GRID2: variants seen among roughly 807,000 people sequenced by gnomAD.
GRID2 encodes glutamate receptor ionotropic, delta-2.
GRID2 carries 33 observed loss-of-function variants against 114.8 expected under a neutral mutation model. That is an observed-to-expected ratio of 0.29 (90% CI 0.22 to 0.38). The LOEUF (loss-of-function observed/expected upper bound fraction) is 0.38. Among genes scored for constraint, GRID2 ranks in the 10% least tolerant of loss-of-function variants. GRID2 has a pLI of 1.00. For synonymous variants in GRID2, 505 were observed against 449.9 expected, an observed-to-expected ratio of 1.12 and a Z score of -1.55; for missense variants, 1,184 against 1,257.7, an observed-to-expected ratio of 0.94 and a Z score of 0.89.
chr4:93,724,678 G>A (rs1307454126), intron 14 of GRID2, among the ~76,000 whole-genome samples: 1 of 152,134 alleles, frequency 6.6e-6, no homozygotes, highest in Non-Finnish European at 1.5e-5. Context: ...ACCGAGAGAG[G>A]AATGAGTGGG....
intron 4 of GRID2, among the ~76,000 whole-genome samples, chr4:93,171,156 C>T (rs139871165): frequency 3.3e-5 from 5 of 152,278 alleles, no homozygotes; most frequent in East Asian, 3.9e-4. Context: ...TTCTGTATTA[C>T]CTACTTTCAA....
At chr4:92,541,093 T>C (rs1402586197) in intron 1 of GRID2, among the ~76,000 whole-genome samples, 1 of 150,990 alleles carries the variant, frequency 6.6e-6, no homozygotes, top group Non-Finnish European at 1.5e-5. Flanking sequence ...AATTGAACAA[T>C]GAGAACACAT....
intron 13 of GRID2, among the ~76,000 whole-genome samples, chr4:93,588,072 A>C (rs1737722149): frequency 6.6e-6 from 1 of 152,150 alleles, no homozygotes; most frequent in South Asian, 2.1e-4. Context: ...GTTAACATGT[A>C]AGGTAGTATG....
chr4:92,653,318 C>G (rs1163817592), intron 2 of GRID2, among the ~76,000 whole-genome samples: 1 of 145,452 alleles, frequency 6.9e-6, no homozygotes, highest in Non-Finnish European at 1.5e-5. Context: ...CACACACACA[C>G]ACATGTGTCT....
intron 4 of GRID2, among the ~76,000 whole-genome samples, chr4:93,151,556 T>C (rs1736742806): frequency 6.6e-6 from 1 of 152,040 alleles, no homozygotes; most frequent in South Asian, 2.1e-4. Context: ...AAAAATAGAT[T>C]AAAGCAAAAT....
intron 1 of GRID2, among the ~76,000 whole-genome samples, chr4:92,429,730 G>C (rs532132739): frequency 6.6e-6 from 1 of 152,216 alleles, no homozygotes; most frequent in Admixed American, 6.5e-5. Flanking sequence ...AAGTGTACAA[G>C]CATTCTGTGT....
chr4:93,522,236 C>G (rs1730409351), intron 13 of GRID2, among the ~76,000 whole-genome samples: 1 of 152,028 alleles, frequency 6.6e-6, no homozygotes, highest in Non-Finnish European at 1.5e-5. Flanking sequence ...TATATTTAAA[C>G]CAAAGTCATC....
intron 13 of GRID2, among the ~76,000 whole-genome samples, chr4:93,580,753 A>T (rs1358950095): frequency 2.0e-4 from 29 of 146,200 alleles, no homozygotes; most frequent in African/African-American, 6.3e-4. Context: ...GGCAAAGAGC[A>T]TTTTTTTTTT....
At chr4:92,542,302 GA>G (rs1160908012) in intron 1 of GRID2, among the ~76,000 whole-genome samples, 1 of 149,784 alleles carries the variant, frequency 6.7e-6, no homozygotes, top group Non-Finnish European at 1.5e-5. Context: ...GGAGGAAAAA[GA>G]AAAAAAAAGA....
At chr4:92,576,981 G>A (rs932810031) in intron 1 of GRID2, among the ~76,000 whole-genome samples, 32 of 151,982 alleles carry the variant, frequency 2.1e-4, no homozygotes, top group Non-Finnish European at 4.0e-4. Flanking sequence ...TCAAATATAT[G>A]TCTGCAGTTC....
intron 1 of GRID2, among the ~76,000 whole-genome samples, chr4:92,437,089 A>G (rs939082209): frequency 6.6e-6 from 1 of 152,220 alleles, no homozygotes; most frequent in African/African-American, 2.4e-5. Flanking sequence ...TTATGTGTCT[A>G]TAATTGACTA....
chr4:93,497,383 C>T (rs188626828), intron 12 of GRID2, among the ~76,000 whole-genome samples: 1 of 151,672 alleles, frequency 6.6e-6, no homozygotes, highest in East Asian at 1.9e-4. Context: ...TGCAATGTAT[C>T]AATTTTTTCA....
intron 2 of GRID2, among the ~76,000 whole-genome samples, chr4:92,901,771 T>C (rs943140159): frequency 3.3e-5 from 5 of 152,074 alleles, no homozygotes; most frequent in Admixed American, 1.3e-4. Context: ...CAGTGTTTTG[T>C]TGAGGATATT....
At chr4:92,692,561 C>G (rs1196945751) in intron 2 of GRID2, among the ~76,000 whole-genome samples, 1 of 151,998 alleles carries the variant, frequency 6.6e-6, no homozygotes, top group Admixed American at 6.6e-5. Context: ...AAGCCTTAGT[C>G]AAAATATAGT....
intron 11 of GRID2, among the ~76,000 whole-genome samples, chr4:93,466,547 T>C (rs892115422): frequency 2.0e-5 from 3 of 152,188 alleles, no homozygotes; most frequent in African/African-American, 7.2e-5. Flanking sequence ...TGCAGAAATT[T>C]CTAGGGAAGG....
chr4:93,707,225 T>C lies in GRID2; in HGVS notation c.2361-61985T>C, dbSNP rs187266582. On this transcript the variant is annotated intron_variant, in intron 14 of 15. Transcript: ENST00000282020. ...GGTAATACTGGTCTCATAGAATAAG[T>C]TGGGATGTATTCTCTCCTACTCTAT... Among the ~76,000 whole-genome samples, 289 of 152,208 alleles carry C rather than the reference T, an allele frequency of 1.9e-3. 1 individual carries two copies. Among genetic ancestry groups the C allele is most frequent in the African/African-American group, 6.8e-3 (282 of 41,550 alleles).
At chr4:93,778,155 G>C (rs1734402734), downstream of GRID2, among the ~76,000 whole-genome samples, 1 of 152,068 alleles carries the variant, frequency 6.6e-6, no homozygotes, top group Non-Finnish European at 1.5e-5. Context: ...AAGCTTTCAG[G>C]ATCACAGCTA....
intron 1 of GRID2, among the ~76,000 whole-genome samples, chr4:92,308,567 T>C (rs1725535009): frequency 6.6e-6 from 1 of 152,140 alleles, no homozygotes; most frequent in Non-Finnish European, 1.5e-5. Flanking sequence ...ATTTTCACTA[T>C]GAGAATGTTC....
At position 92,329,993 on chromosome 4, in the gene GRID2, A is replaced by AAGAGAGAGAGAGAGAGAGAG. The variant is rs3076580; in HGVS notation, c.88+25263_88+25282dup. Among the ~76,000 whole-genome samples the AAGAGAGAGAGAGAGAGAGAG allele has an allele frequency of 1.2e-3, 154 of 132,558 alleles. 2 individuals are homozygous for AAGAGAGAGAGAGAGAGAGAG. Among genetic ancestry groups the AAGAGAGAGAGAGAGAGAGAG allele is most frequent in the East Asian group, 6.6e-3 (27 of 4,096 alleles). The allele number at this position is 132,558 out of a possible 152,430, so 87.0% of individuals were successfully genotyped here. On this transcript the variant is annotated intron_variant, in intron 1 of 15. Coordinates refer to ENST00000282020, the MANE Select transcript of GRID2 (RefSeq NM_001510.4). ...AAAAAGGAAGAGGAGTATGGGAGGA[A>AAGAGAGAGAGAGAGAGAGAG]AGAGAGAGAGAGAGAGAGAGAGAGA...
Sources: gnomAD v4.1 joint callset for allele counts (sites outside exome capture counted in the v4.1 genomes callset) on GRCh38, gnomAD v4.1.1 for gene constraint, MANE v1.5 for transcripts, NCBI Gene and HGNC (gene_info 2026-07-23, HGNC 2026-07-21) for gene names.